Variants in COL7A1 observed in about 807,000 individuals in gnomAD.
The protein encoded by COL7A1 is collagen alpha-1(VII) chain.
In COL7A1, 296 loss-of-function variants were observed where a neutral mutation model predicts 456.2. That is an observed-to-expected ratio of 0.65 (90% CI 0.59 to 0.71). The LOEUF (loss-of-function observed/expected upper bound fraction) is 0.71. Ranked by LOEUF, COL7A1 falls within the 30% of genes least tolerant of loss-of-function variation. The pLI, the probability that COL7A1 is intolerant of heterozygous loss-of-function variation, is 0.00. For missense variants in COL7A1, 3,441 were observed against 4,017.2 expected, an observed-to-expected ratio of 0.86 and a Z score of 3.88; for synonymous variants, 1,464 against 1,525.9, an observed-to-expected ratio of 0.96 and a Z score of 0.95.
Position 48,566,459 on chromosome 3 carries a change from C to T in COL7A1, c.8358+51G>A, listed in dbSNP as rs2043609054. The T allele has an allele frequency of 1.2e-6, 2 of 1,605,460 alleles. No individual in the cohort carries two copies. The highest frequency in any genetic ancestry group is 1.7e-6 in the Non-Finnish European group (2 of 1,174,052). On this transcript the variant is annotated intron_variant, in intron 113 of 118. Transcript: ENST00000681320. This position sits in a 1 kb window ranked among gnomAD's most constrained non-coding sequence, Gnocchi z 5.9. ...CTGGGTGAGGGAGGTAGGGCCCCAG[C>T]CCACCCAGGCCCACCCAGGCCCTCC...
At chr3:48,584,621 TAGA>T in intron 35 of COL7A1, 65 bp from the exon 36 acceptor site, 2 of 1,611,062 alleles carry the variant, frequency 1.2e-6, no homozygotes, top group Non-Finnish European at 1.7e-6. Flanking sequence ...AAGAAGCCCC[TAGA>T]CATGTCCAGC....
At position 48,586,590 on chromosome 3, in the gene COL7A1, A is replaced by T. The variant is rs1229277185; in HGVS notation, c.3376T>A (p.Tyr1126Asn). The part of the protein sequence containing the change: ...IILQRIRDMP[Y>N]MDPSGNNLGT... ...AGGTTGTTCCCACTTGGGTCCATGT[A>T]GGGCATGTCACGGATCCTTTGCAAG... is the stretch of plus-strand genomic sequence containing the variant. The change falls in exon 26 of 119, where the codon TAC becomes AAC. Residue 1126 changes from tyrosine to asparagine, a missense_variant. Transcript: ENST00000681320. The surrounding 1 kb of genome is among the most constrained non-coding windows in gnomAD (Gnocchi z 5.1). 6.2e-7 allele frequency: 1 copy of T among 1,613,784 alleles called. No homozygotes were observed.
At position 48,586,244 on chromosome 3, in the gene COL7A1, G is replaced by A. The variant is rs1173762679; in HGVS notation, c.3553C>T (p.Leu1185Phe). The change falls in exon 28 of 119, where the codon CTT (leucine) becomes TTT (phenylalanine). Residue 1185 changes from leucine to phenylalanine, a missense_variant and splice_region_variant. Coordinates refer to ENST00000681320, the MANE Select transcript of COL7A1 (RefSeq NM_000094.4). This position sits in a 1 kb window ranked among gnomAD's most constrained non-coding sequence, Gnocchi z 5.1. The part of the protein sequence containing the change: ...SPIREAQASG[L>F]NVVMLGMAGA... ...GCCATTCCCAACATCACCACATTAA[G>A]CCCTAAGGTGGGGTCCAGTGGCTGC... The A allele has an allele frequency of 6.2e-7, 1 of 1,613,672 alleles. No individual in the cohort carries two copies. Among genetic ancestry groups the A allele is most frequent in the Non-Finnish European group, 8.5e-7 (1 of 1,180,028 alleles).
chr3:48,565,424 T>C lies in COL7A1; in HGVS notation c.8513A>G (p.His2838Arg). ...LHAVPVLRVS[H>R]AEEEERVPPE... ...GCTGTCCTCACCTTCCTCCTCTGCA[T>C]GAGAGACGCGGAGCACAGGCACAGC... The change falls in exon 116 of 119, where the codon CAT (histidine) becomes CGT (arginine). Residue 2838 changes from histidine to arginine, a missense_variant. By Grantham distance (29) the His-to-Arg change is conservative (BLOSUM62 0). This residue lies in a region of COL7A1 where 2,084 missense variants were observed against 2,501.3 expected (regional missense o/e 0.83). Transcript: ENST00000681320. This position sits in a 1 kb window ranked among gnomAD's most constrained non-coding sequence, Gnocchi z 4.5. 6.2e-7 allele frequency: 1 copy of C among 1,611,044 alleles called. No homozygotes were observed. Among genetic ancestry groups the C allele is most frequent in the South Asian group, 1.1e-5 (1 of 90,484 alleles).
chr3:48,574,956 G>A lies in COL7A1; in HGVS notation c.6280-91C>T. 6.3e-7 allele frequency: 1 copy of A among 1,580,680 alleles called. No homozygotes were observed. Among genetic ancestry groups the A allele is most frequent in the Non-Finnish European group, 8.7e-7 (1 of 1,152,514 alleles). ...TCTCAGGATCACAGAGGGTTATAGG[G>A]TCAGAAATTCCAGGGTTATGGCACA... is the stretch of plus-strand genomic sequence containing the variant. On this transcript the variant is annotated intron_variant, in intron 76 of 118. Transcript: ENST00000681320. The surrounding 1 kb of genome is among the most constrained non-coding windows in gnomAD (Gnocchi z 5.0).
chr3:48,582,303 G>A lies in COL7A1; in HGVS notation c.4635+20C>T, dbSNP rs374833715. ...TCAAGGGCTGTGCTGTGCTCAGAGC[G>A]CCATCCTCCCGTCACTCACCACCAC... On this transcript the variant is annotated intron_variant, in intron 47 of 118. Coordinates refer to ENST00000681320, the MANE Select transcript of COL7A1 (RefSeq NM_000094.4). 126 of 1,613,908 alleles carry A rather than the reference G, an allele frequency of 7.8e-5. 1 individual carries two copies. Among genetic ancestry groups the A allele is most frequent in the Middle Eastern group, 1.6e-4 (1 of 6,062 alleles).
chr3:48,583,973 C>G lies in COL7A1; in HGVS notation c.4225-20G>C. 6.2e-7 allele frequency: 1 copy of G among 1,613,890 alleles called. No individual in the cohort carries two copies. The highest frequency in any genetic ancestry group is 8.5e-7 in the Non-Finnish European group (1 of 1,179,966). On this transcript the variant is annotated intron_variant, in intron 38 of 118. Coordinates refer to ENST00000681320, the MANE Select transcript of COL7A1 (RefSeq NM_000094.4). This position sits in a 1 kb window ranked among gnomAD's most constrained non-coding sequence, Gnocchi z 5.1. ...GGGACCCTGGGAGAGAACAGCAGGT[C>G]AGGGAATGAACAGGGGAATCAGACT...
rs967998331 is a variant in COL7A1 at position 48,594,037 on chromosome 3, C to T, written c.266+331G>A. Among the ~76,000 whole-genome samples, 3 of 152,198 alleles carry T rather than the reference C, an allele frequency of 2.0e-5. No homozygotes were observed. Among genetic ancestry groups the T allele is most frequent in the East Asian group, 1.9e-4 (1 of 5,188 alleles). ...GGCCAGATGGAGCACCTCTGGTGAA[C>T]GGCTGCAAGGGTTAGAGGGCTAGAA... On this transcript the variant is annotated intron_variant, in intron 3 of 118. Coordinates refer to ENST00000681320, the MANE Select transcript of COL7A1 (RefSeq NM_000094.4). This position sits in a 1 kb window ranked among gnomAD's most constrained non-coding sequence, Gnocchi z 5.5.
In COL7A1 at chr3:48,573,870, G is replaced by C; in HGVS notation, c.6522C>G (p.Gly2174=). 1 of 1,613,862 alleles carries C rather than the reference G, an allele frequency of 6.2e-7. No individual in the cohort carries two copies. Among genetic ancestry groups the C allele is most frequent in the Non-Finnish European group, 8.5e-7 (1 of 1,179,990 alleles). The change falls in exon 81 of 119, where the codon GGC becomes GGG. Residue 2174 remains glycine (G), a synonymous_variant. Coordinates refer to ENST00000681320, the MANE Select transcript of COL7A1 (RefSeq NM_000094.4). The surrounding 1 kb of genome is among the most constrained non-coding windows in gnomAD (Gnocchi z 5.5). ...GGGTACTCACCACTGGGCCAGGGGGGCCTCTTGGACCCTGCAGACCCTACA... is the reference window on the plus strand; with the variant it reads ...GGGTACTCACCACTGGGCCAGGGGGCCCTCTTGGACCCTGCAGACCCTACA... ...EGKPGLQGPR[G]PPGPVGGHGD...
At position 48,565,848 on chromosome 3, in the gene COL7A1, A is replaced by G. The variant is rs2043584676; in HGVS notation, c.8408-180T>C. Among the ~76,000 whole-genome samples the G allele has an allele frequency of 6.6e-6, 1 of 152,022 alleles. No individual in the cohort carries two copies. The highest frequency in any genetic ancestry group is 2.1e-4 in the South Asian group (1 of 4,826). The stretch of plus-strand genomic sequence containing the variant: ...AGATAGAGAGATGGAAAAAGAGAAG[A>G]AGGCAGAGGAGAGGGAAGTTGGGAA... On this transcript the variant is annotated intron_variant, in intron 114 of 118. Transcript: ENST00000681320. The surrounding 1 kb of genome is among the most constrained non-coding windows in gnomAD (Gnocchi z 4.5).
chr3:48,591,767 C>G lies in COL7A1; in HGVS notation c.1413G>C (p.Leu471Phe), dbSNP rs771865012. 5 of 1,614,192 alleles carry G rather than the reference C, an allele frequency of 3.1e-6. No homozygotes were observed. In the South Asian group the frequency reaches 5.5e-5, roughly 18 times the overall value. ...VLPSDVTRYQ[L>F]DGLQPGTEYR... ...ACTCAGTGCCCGGCTGCAGCCCATCCAACTGGTAGCGGGTCACATCAGAGG... is the reference window on the plus strand; with the variant it reads ...ACTCAGTGCCCGGCTGCAGCCCATCGAACTGGTAGCGGGTCACATCAGAGG... The change falls in exon 12 of 119, where the codon TTG becomes TTC. Residue 471 changes from leucine to phenylalanine, a missense_variant. This residue lies in a region of COL7A1 where 913 missense variants were observed against 1,088.2 expected (regional missense o/e 0.84). Transcript: ENST00000681320. This position sits in a 1 kb window ranked among gnomAD's most constrained non-coding sequence, Gnocchi z 7.0.
At position 48,564,796 on chromosome 3, in the gene COL7A1, C is replaced by T. The variant is rs759453186; in HGVS notation, c.8805G>A (p.Gln2935=). The stretch of plus-strand genomic sequence containing the variant: ...CTCAGCCCATACCTGTCCCCTGGCT[C>T]TGGACCACCCGGGGTGGGCAGCGGC... ...CERRCPPRVV[Q]SQGTGTAQD The change falls in exon 118 of 119, where the codon CAG becomes CAA. Residue 2935 remains glutamine (Q), a synonymous_variant. Coordinates refer to ENST00000681320, the MANE Select transcript of COL7A1 (RefSeq NM_000094.4). This position sits in a 1 kb window ranked among gnomAD's most constrained non-coding sequence, Gnocchi z 6.0. 6.2e-7 allele frequency: 1 copy of T among 1,613,804 alleles called. No individual in the cohort carries two copies. Among genetic ancestry groups the T allele is most frequent in the Non-Finnish European group, 8.5e-7 (1 of 1,179,924 alleles).
Position 48,574,880 on chromosome 3 carries a change from T to C in COL7A1, c.6280-15A>G. ...TCCACAGACACCTACAAACACAAGG[T>C]CACAGGGGAGAGATGTCTCTGTCAT... On this transcript the variant is annotated splice_polypyrimidine_tract_variant and intron_variant, in intron 76 of 118. Coordinates refer to ENST00000681320, the MANE Select transcript of COL7A1 (RefSeq NM_000094.4). This position sits in a 1 kb window ranked among gnomAD's most constrained non-coding sequence, Gnocchi z 5.0. 1.2e-6 allele frequency: 2 copies of C among 1,613,352 alleles called. No homozygotes were observed. The highest frequency in any genetic ancestry group is 1.7e-6 in the Non-Finnish European group (2 of 1,179,820).
chr3:48,586,682 A>C lies in COL7A1; in HGVS notation c.3284T>G (p.Leu1095Arg). 6 of 1,589,868 alleles carry C rather than the reference A, an allele frequency of 3.8e-6. No individual in the cohort carries two copies. The highest frequency in any genetic ancestry group is 5.1e-6 in the Non-Finnish European group (6 of 1,167,560). Residue 1095 changes from leucine (L) to arginine (R), a missense_variant, in exon 26 of 119, where the codon CTG becomes CGG. Coordinates refer to ENST00000681320, the MANE Select transcript of COL7A1 (RefSeq NM_000094.4). This position sits in a 1 kb window ranked among gnomAD's most constrained non-coding sequence, Gnocchi z 5.1. ...PLGPQAVQVG[L>R]LSYSHRPSPL... Reference sequence around the variant, plus strand: ...GGAGGGCCGATGACTGTAAGACAGCAGGCCAACCTGGGGTGGAAGGAAACA... The same window carrying C: ...GGAGGGCCGATGACTGTAAGACAGCCGGCCAACCTGGGGTGGAAGGAAACA...
intron 17 of COL7A1, 42 bp from the exon 18 acceptor site, chr3:48,589,512 T>C: frequency 1.2e-6 from 2 of 1,613,020 alleles, no homozygotes; most frequent in Non-Finnish European, 1.7e-6. Flanking sequence ...TAGCAAACTC[T>C]GTGCCCCAGA....
chr3:48,579,165 G>T lies in COL7A1; in HGVS notation c.5388+32C>A. 1 of 1,610,690 alleles carries T rather than the reference G, an allele frequency of 6.2e-7. No homozygotes were observed. The highest frequency in any genetic ancestry group is 1.1e-5 in the South Asian group (1 of 90,994). ...GTCCTCATGTGAAGGGGTAGGGGAAGGGGACAACCAGGCAGGACTACCAAG... is the reference window on the plus strand; with the variant it reads ...GTCCTCATGTGAAGGGGTAGGGGAATGGGACAACCAGGCAGGACTACCAAG... On this transcript the variant is annotated intron_variant, in intron 62 of 118. Coordinates refer to ENST00000681320, the MANE Select transcript of COL7A1 (RefSeq NM_000094.4). The surrounding 1 kb of genome is among the most constrained non-coding windows in gnomAD (Gnocchi z 4.4).
Position 48,570,354 on chromosome 3 carries a change from C to G in COL7A1, c.7381-20G>C. ...GTCTCCCTGGAGACCAACAGGACAC[C>G]GGGGATCAGTGAGGGGAATCAGTGG... On this transcript the variant is annotated intron_variant, in intron 97 of 118. Transcript: ENST00000681320. The surrounding 1 kb of genome is among the most constrained non-coding windows in gnomAD (Gnocchi z 5.5). 1 of 1,613,984 alleles carries G rather than the reference C, an allele frequency of 6.2e-7. No homozygotes were observed. The highest frequency in any genetic ancestry group is 8.5e-7 in the Non-Finnish European group (1 of 1,179,962).
rs540223649 is a variant in COL7A1 at position 48,594,964 on chromosome 3, G to A, written c.85+111C>T. The A allele has an allele frequency of 1.6e-4, 143 of 889,712 alleles. No individual in the cohort carries two copies. The highest frequency in any genetic ancestry group is 6.5e-4 in the South Asian group (43 of 65,808). 55.1% of individuals were successfully genotyped at this position (889,712 alleles called of 1,614,324 possible). ...CAGAATTAGGAGGAATCCGCGGGGC[G>A]TCGTGGAGTTGGCTGGGTTGTGGGC... is the stretch of plus-strand genomic sequence containing the variant. On this transcript the variant is annotated intron_variant, in intron 2 of 118. Transcript: ENST00000681320. The surrounding 1 kb of genome is among the most constrained non-coding windows in gnomAD (Gnocchi z 5.5).
rs968625343 is a variant in COL7A1, at chr3:48,588,404, G to A, written c.2588C>T (p.Pro863Leu). ...CCCCAGGGCTGGCGGAGCCTCAGGC[G>A]CTGGAGAGAAAGCTCAGGAATCAGG... ...GTPVSIVVTT[P>L]PEAPPALGTL... is the part of the protein sequence containing the mutation. The change falls in exon 21 of 119, where the codon CCG becomes CTG. Residue 863 changes from proline to leucine, a missense_variant and splice_region_variant. Physicochemically the swap from Pro to Leu is moderately conservative, Grantham distance 98. Around this residue, in one of 3 missense-constraint regions of COL7A1, gnomAD observed 444 missense variants for 427.6 expected, o/e 1.04. Transcript: ENST00000681320. The surrounding 1 kb of genome is among the most constrained non-coding windows in gnomAD (Gnocchi z 4.6). The A allele has an allele frequency of 4.4e-6, 7 of 1,609,112 alleles. No individual in the cohort carries two copies. The highest frequency in any genetic ancestry group is 2.7e-5 in the African/African-American group (2 of 74,982).
Sources: allele counts gnomAD v4.1 joint callset (sites outside exome capture counted in the v4.1 genomes callset), GRCh38; gene constraint gnomAD v4.1.1; regional missense constraint gnomAD v4.1.1; non-coding constraint Gnocchi (gnomAD v3.1); transcripts MANE v1.5; gene names NCBI Gene and HGNC (gene_info 2026-07-23, HGNC 2026-07-21).